The following HECTD3 variants were observed in gnomAD, a reference collection of about 807,000 sequenced individuals.
HECTD3 encodes the protein HECT domain E3 ubiquitin protein ligase 3, also known as E3 ubiquitin-protein ligase HECTD3.
In HECTD3, 72 loss-of-function variants were observed where a neutral mutation model predicts 109.3. The ratio of observed to expected loss-of-function variants is 0.66; its 90% CI spans 0.54 to 0.80. HECTD3 has a LOEUF of 0.80. Ranked by LOEUF, HECTD3 falls within the 30% of genes least tolerant of loss-of-function variation. The pLI is 0.00. For synonymous variants in HECTD3, 481 were observed against 471.8 expected (o/e 1.02, Z -0.25); for missense variants, 1,041 against 1,165.2 (o/e 0.89, Z 1.55).
At chr1:45,007,743 T>G in intron 9 of HECTD3, 148 bp from the exon 10 acceptor site, 1 of 679,286 alleles carries the variant, frequency 1.5e-6, no homozygotes, top group Non-Finnish European at 2.4e-6. Context: ...CCCTCCTTAG[T>G]TCAGCCACCA....
intron 10 of HECTD3, 67 bp downstream of exon 10, chr1:45,007,346 C>T: frequency 3.7e-6 from 6 of 1,603,052 alleles, no homozygotes; most frequent in Admixed American, 1.7e-5. Flanking sequence ...TTGTTCAGGT[C>T]CCTCTTGGCC....
In HECTD3 at chr1:45,002,688, G is replaced by C. The variant is rs1644701053; in HGVS notation, c.*804C>G. The C allele has an allele frequency of 6.6e-6, 1 of 152,338 alleles. No individual in the cohort carries two copies. The highest frequency in any genetic ancestry group is 1.5e-5 in the Non-Finnish European group (1 of 68,140). 9.4% of individuals were successfully genotyped at this position (152,338 alleles called of 1,614,324 possible). On this transcript the variant is annotated 3_prime_UTR_variant, in exon 21 of 21. Coordinates refer to ENST00000372172, the MANE Select transcript of HECTD3 (RefSeq NM_024602.6). ...ACAGGTTTAAGGTCTAGGCTTTAGA[G>C]TTGGGGAAAGGGGAGCTATTACAGA... is the stretch of plus-strand genomic sequence containing the variant.
intron 10 of HECTD3, 59 bp downstream of exon 10, chr1:45,007,354 G>C (rs1369855366): frequency 5.0e-6 from 8 of 1,606,444 alleles, no homozygotes; most frequent in Non-Finnish European, 6.0e-6. Context: ...GTCCCTCTTG[G>C]CCTAGCCCCC....
rs771791025 is a variant in HECTD3 at position 45,010,537 on chromosome 1, G to A, written c.530+9C>T. 6 of 1,613,418 alleles carry A rather than the reference G, an allele frequency of 3.7e-6. No homozygotes were observed. Among genetic ancestry groups the A allele is most frequent in the Non-Finnish European group, 5.1e-6 (6 of 1,179,938 alleles). ...CTGACAGCCAGCCCCGCTCCTTCAA[G>A]TGCAGTACCTGAGCACCGGCCGATA... On this transcript the variant is annotated intron_variant, in intron 2 of 20. Transcript: ENST00000372172.
Position 45,010,994 on chromosome 1 carries a change from G to C in HECTD3, c.264C>G (p.Pro88=). ...CAATGCTGTCGCGGGCGGCGCGGAG[G>C]GGCCCGGAGCCGGTACCGGGGGCTG... ...AGPAPGTGSG[P]LRAARDSIEL... is the part of the protein sequence containing the mutation. Residue 88 remains proline (P), a synonymous_variant, in exon 1 of 21, where the codon CCC becomes CCG. Transcript: ENST00000372172. The C allele has an allele frequency of 6.8e-7, 1 of 1,477,944 alleles. No individual in the cohort carries two copies. The highest frequency in any genetic ancestry group is 8.9e-7 in the Non-Finnish European group (1 of 1,127,972). The allele number at this position is 1,477,944 out of a possible 1,614,324, so 91.6% of individuals were successfully genotyped here. A position where few individuals can be genotyped will look rare whatever the true frequency, so the allele number is the denominator to read the frequency against.
At position 45,004,333 on chromosome 1, in the gene HECTD3, A is replaced by G; in HGVS notation, c.2187T>C (p.Ala729=). The G allele has an allele frequency of 6.2e-7, 1 of 1,614,094 alleles. No homozygotes were observed. Among genetic ancestry groups the G allele is most frequent in the Non-Finnish European group, 8.5e-7 (1 of 1,179,928 alleles). ...QAGLLKVVPQ[A]VLDLLTWQEL... The stretch of plus-strand genomic sequence containing the variant: ...CTTGCCAGGTCAGCAAGTCCAGCAC[A>G]GCCTGTGGTACCACCTTCAGCAGAC... Residue 729 remains alanine, a synonymous_variant, in exon 17 of 21, where the codon GCT becomes GCC. Transcript: ENST00000372172.
Position 45,006,424 on chromosome 1 carries a change from GC to G in HECTD3, c.1725+267del, listed in dbSNP as rs1250689677. Among the ~76,000 whole-genome samples, 1 of 151,754 alleles carries G rather than the reference GC, an allele frequency of 6.6e-6. No individual in the cohort carries two copies. Among genetic ancestry groups the G allele is most frequent in the African/African-American group, 2.4e-5 (1 of 41,264 alleles). ...GGGTTCAAGCGAGTCGCCTGCTTCAGCCTCCCATGTAGCTGGGACTACAGGC... is the reference window on the plus strand; with the variant it reads ...GGGTTCAAGCGAGTCGCCTGCTTCAGCTCCCATGTAGCTGGGACTACAGGC... On this transcript the variant is annotated intron_variant, in intron 13 of 20. Transcript: ENST00000372172. The surrounding 1 kb of genome is among the most constrained non-coding windows in gnomAD (Gnocchi z 4.7).
At chr1:45,005,035 C>T (rs2148976343) in intron 15 of HECTD3, 1 of 590,048 alleles carries the variant, frequency 1.7e-6, no homozygotes, top group East Asian at 2.8e-5. Context: ...CAGCTGAGAC[C>T]CAAATGATGG....
Position 45,006,120 on chromosome 1 carries a change from C to T in HECTD3, c.1726-4G>A, listed in dbSNP as rs113135392. ...GAGCCTCACCAGTGCCATTGCCCTG[C>T]CCCAGAGACAGAGCTGTGAGTGTGG... On this transcript the variant is annotated splice_polypyrimidine_tract_variant and splice_region_variant and intron_variant, in intron 13 of 20. Coordinates refer to ENST00000372172, the MANE Select transcript of HECTD3 (RefSeq NM_024602.6). This position sits in a 1 kb window ranked among gnomAD's most constrained non-coding sequence, Gnocchi z 4.7. 1.9e-5 allele frequency: 31 copies of T among 1,613,052 alleles called. No homozygotes were observed. The African/African-American group carries it at 2.0e-4, about 10-fold the overall frequency.
chr1:45,008,971 C>CTA (rs1419655437), intron 7 of HECTD3, among the ~76,000 whole-genome samples, 173 bp downstream of exon 7: 1 of 152,190 alleles, frequency 6.6e-6, no homozygotes, highest in East Asian at 1.9e-4. Flanking sequence ...TAAGGCAGGC[C>CTA]TATACCTGGC....
Position 45,011,023 on chromosome 1 carries a change from C to T in HECTD3, c.235G>A (p.Gly79Ser). 2 of 1,423,956 alleles carry T rather than the reference C, an allele frequency of 1.4e-6. No homozygotes were observed. Among genetic ancestry groups the T allele is most frequent in the Non-Finnish European group, 1.8e-6 (2 of 1,096,556 alleles). The allele number at this position is 1,423,956 out of a possible 1,614,324, so 88.2% of individuals were successfully genotyped here. The change falls in exon 1 of 21, where the codon GGC (glycine) becomes AGC (serine). Residue 79 changes from glycine (G) to serine (S), a missense_variant. Gly to Ser is a moderately conservative substitution (Grantham distance 56, BLOSUM62 0). Around this residue, in one of 2 missense-constraint regions of HECTD3, gnomAD observed 472 missense variants for 449.9 expected, o/e 1.05. Coordinates refer to ENST00000372172, the MANE Select transcript of HECTD3 (RefSeq NM_024602.6). ...CCGGAGCCGGTACCGGGGGCTGGGC[C>T]TGCGGCGCCCACACGCAGCCCCAGG... is the stretch of plus-strand genomic sequence containing the variant. ...EGLGLRVGAAGPAPGTGSGPL... is the reference protein window; with the variant it reads ...EGLGLRVGAASPAPGTGSGPL...
rs776024517 is a variant in HECTD3, at chr1:45,006,148, T to A, written c.1726-32A>T. 7 of 1,584,850 alleles carry A rather than the reference T, an allele frequency of 4.4e-6. No homozygotes were observed. The highest frequency in any genetic ancestry group is 2.6e-6 in the Non-Finnish European group (3 of 1,155,352). ...CAGAGACAGAGCTGTGAGTGTGGCA[T>A]GAGATACACCCTATTTTCCTGGCCC... On this transcript the variant is annotated intron_variant, in intron 13 of 20. Coordinates refer to ENST00000372172, the MANE Select transcript of HECTD3 (RefSeq NM_024602.6). The surrounding 1 kb of genome is among the most constrained non-coding windows in gnomAD (Gnocchi z 4.7).
At chr1:45,010,488 C>T (rs1644778874) in intron 2 of HECTD3, 58 bp downstream of exon 2, 3 of 1,603,330 alleles carry the variant, frequency 1.9e-6, no homozygotes, top group African/African-American at 2.7e-5. Context: ...CTGAAGTGTT[C>T]CCAAGCCCTC....
In HECTD3 at chr1:45,007,433, T is replaced by C. The variant is rs775467472; in HGVS notation, c.1483A>G (p.Lys495Glu). ...CAGACCTGGGTGAAGACTGCATTCTTGCAGGCAGGGTCTCGAGAGGGGCAG... is the reference window on the plus strand; with the variant it reads ...CAGACCTGGGTGAAGACTGCATTCTCGCAGGCAGGGTCTCGAGAGGGGCAG... ...RACPSRDPAC[K>E]NAVFTQVYEG... Residue 495 changes from lysine (K) to glutamate (E), a missense_variant, in exon 10 of 21, where the codon AAG (lysine) becomes GAG (glutamate). Lys to Glu is a moderately conservative substitution (Grantham distance 56). Around this residue, in one of 2 missense-constraint regions of HECTD3, gnomAD observed 569 missense variants for 715.3 expected, o/e 0.80. Coordinates refer to ENST00000372172, the MANE Select transcript of HECTD3 (RefSeq NM_024602.6). 2.5e-6 allele frequency: 4 copies of C among 1,614,106 alleles called. No individual in the cohort carries two copies. The highest frequency in any genetic ancestry group is 2.5e-6 in the Non-Finnish European group (3 of 1,180,008).
In HECTD3 at chr1:45,011,175, C is replaced by A; in HGVS notation, c.83G>T (p.Arg28Leu). The A allele has an allele frequency of 6.7e-7, 1 of 1,489,414 alleles. No individual in the cohort carries two copies. Among genetic ancestry groups the A allele is most frequent in the Non-Finnish European group, 8.9e-7 (1 of 1,128,214 alleles). The allele number at this position is 1,489,414 out of a possible 1,614,324, so 92.3% of individuals were successfully genotyped here. The change falls in exon 1 of 21, where the codon CGG becomes CTG. Residue 28 changes from arginine to leucine, a missense_variant. Physicochemically the swap from Arg to Leu is moderately radical, Grantham distance 102. This residue lies in a region of HECTD3 where 472 missense variants were observed against 449.9 expected (regional missense o/e 1.05). Coordinates refer to ENST00000372172, the MANE Select transcript of HECTD3 (RefSeq NM_024602.6). ...GRVRFLAEAA[R>L]SLRAGRPLPA... The stretch of plus-strand genomic sequence containing the variant: ...CAGCGGCCGCCCGGCGCGGAGGCTC[C>A]GCGCTGCCTCTGCCAAGAAGCGCAC...
Position 45,003,737 on chromosome 1 carries a change from G to T in HECTD3, c.2433C>A (p.Tyr811Ter), listed in dbSNP as rs377140982. The T allele has an allele frequency of 6.2e-7, 1 of 1,614,012 alleles. No individual in the cohort carries two copies. Among genetic ancestry groups the T allele is most frequent in the Non-Finnish European group, 8.5e-7 (1 of 1,179,980 alleles). Residue 811 changes from tyrosine (Y) to a stop codon, truncating the protein, a stop_gained, in exon 20 of 21, where the codon TAC becomes TAA. Coordinates refer to ENST00000372172, the MANE Select transcript of HECTD3 (RefSeq NM_024602.6). LOFTEE classifies it high-confidence loss of function. This position sits in a 1 kb window ranked among gnomAD's most constrained non-coding sequence, Gnocchi z 4.7. ...RIYIYPDKLG[Y>*]ETTDALPESS... is the part of the protein sequence containing the mutation. The stretch of plus-strand genomic sequence containing the variant: ...ACTCGGGCAGCGCGTCTGTGGTCTC[G>T]TAGCTGGGGGCATTGAGGGACCATA...
At chr1:45,009,532 A>G (rs779178220) in intron 5 of HECTD3, 36 bp downstream of exon 5, 3 of 1,600,928 alleles carry the variant, frequency 1.9e-6, no homozygotes, top group East Asian at 2.2e-5. Context: ...ACAGGGACAT[A>G]GCCCACCCAC....
chr1:45,009,171 T>C lies in HECTD3; in HGVS notation c.1045A>G (p.Ile349Val). The C allele has an allele frequency of 1.2e-6, 2 of 1,614,108 alleles. No homozygotes were observed. Among genetic ancestry groups the C allele is most frequent in the Non-Finnish European group, 8.5e-7 (1 of 1,179,976 alleles). ...CGGCACTCCACGATGCGGATCTCGA[T>C]GATCGGGAGGTGGACGGTCATGTCC... Reference protein sequence around the residue: ...LEDMTVHLPIIEIRIVECRDD... With the variant: ...LEDMTVHLPIVEIRIVECRDD... The change falls in exon 7 of 21, where the codon ATC becomes GTC. Residue 349 changes from isoleucine (I) to valine (V), a missense_variant. Transcript: ENST00000372172.
chr1:45,006,122 CCA>C lies in HECTD3; in HGVS notation c.1726-8_1726-7del. 1 of 1,613,038 alleles carries C rather than the reference CCA, an allele frequency of 6.2e-7. No individual in the cohort carries two copies. Among genetic ancestry groups the C allele is most frequent in the African/African-American group, 1.3e-5 (1 of 75,022 alleles). ...GCCTCACCAGTGCCATTGCCCTGCC[CCA>C]GAGACAGAGCTGTGAGTGTGGCATG... On this transcript the variant is annotated splice_region_variant and splice_polypyrimidine_tract_variant and intron_variant, in intron 13 of 20. Transcript: ENST00000372172. This position sits in a 1 kb window ranked among gnomAD's most constrained non-coding sequence, Gnocchi z 4.7.
Sources: gnomAD v4.1 joint callset for allele counts (sites outside exome capture counted in the v4.1 genomes callset) on GRCh38, gnomAD v4.1.1 for gene constraint, gnomAD v4.1.1 regional missense constraint, Gnocchi (gnomAD v3.1) non-coding constraint, MANE v1.5 for transcripts, NCBI Gene and HGNC (gene_info 2026-07-23, HGNC 2026-07-21) for gene names.